The following KATNBL1 variants were observed in gnomAD, a reference collection of about 807,000 sequenced individuals.
KATNBL1 encodes the protein KATNB1-like protein 1.
Under a neutral mutation model 44.7 loss-of-function variants are expected in KATNBL1, and 28 were observed. The observed-to-expected ratio is 0.63, with a 90% confidence interval of 0.46 to 0.86. The LOEUF is 0.86. Ranked by LOEUF, KATNBL1 falls within the 40% of genes least tolerant of loss-of-function variation. The pLI is 0.00. For missense variants in KATNBL1, 272 were observed against 350.7 expected, an observed-to-expected ratio of 0.78 and a Z score of 1.79; for synonymous variants, 78 against 114.9, an observed-to-expected ratio of 0.68 and a Z score of 2.06.
chr15:34,193,951 T>C (rs1889963512), intron 1 of KATNBL1, among the ~76,000 whole-genome samples: 1 of 151,796 alleles, frequency 6.6e-6, no homozygotes, highest in South Asian at 2.1e-4. Context: ...TGTCGTTTTT[T>C]ATTTTTTTGA....
chr15:34,178,765 A>G lies in KATNBL1; in HGVS notation c.-14-15075T>C, dbSNP rs75849284. 2.8e-3 allele frequency among the ~76,000 whole-genome samples: 423 copies of G among 150,592 alleles called. 2 individuals are homozygous for G. Among genetic ancestry groups the G allele is most frequent in the Non-Finnish European group, 3.5e-3 (233 of 67,478 alleles). On this transcript the variant is annotated intron_variant, in intron 1 of 9. Coordinates refer to ENST00000256544, the MANE Select transcript of KATNBL1 (RefSeq NM_024713.3). The stretch of plus-strand genomic sequence containing the variant: ...AGCAAGACTCTGTCTCAAAAAAAAA[A>G]AAAAAAAAAAAAGGATTTCACTGAA...
chr15:34,190,307 A>G (rs1244041357), intron 1 of KATNBL1, among the ~76,000 whole-genome samples: 1 of 152,196 alleles, frequency 6.6e-6, no homozygotes, highest in Non-Finnish European at 1.5e-5. Flanking sequence ...AAGGAAGCCA[A>G]TGAATATGAA....
intron 1 of KATNBL1, among the ~76,000 whole-genome samples, chr15:34,190,629 A>C (rs1419986417): frequency 6.6e-6 from 1 of 152,250 alleles, no homozygotes; most frequent in Non-Finnish European, 1.5e-5. Context: ...CAGTTAAAGA[A>C]GGTAATGGGA....
intron 1 of KATNBL1, among the ~76,000 whole-genome samples, chr15:34,177,044 ATCATT>A (rs984551512): frequency 0.013 from 10 of 770 alleles, no homozygotes; most frequent in Admixed American, 0.059. Flanking sequence ...ACTGGCAATT[ATCATT>A]GCCTTTTAAT....
At chr15:34,205,324 C>T (rs1461572574) in intron 1 of KATNBL1, among the ~76,000 whole-genome samples, 1 of 152,102 alleles carries the variant, frequency 6.6e-6, no homozygotes, top group African/African-American at 2.4e-5. Context: ...GCCATGAATC[C>T]TCCATGGATG....
chr15:34,177,702 A>C (rs1160982612), intron 1 of KATNBL1: 1 of 151,784 alleles, frequency 6.6e-6, no homozygotes, highest in Non-Finnish European at 1.5e-5. Flanking sequence ...AATGAGAAAA[A>C]CTCATCATAC....
At chr15:34,163,810 T>A (rs2140931670) in intron 1 of KATNBL1, 120 bp from the exon 2 acceptor site, 1 of 519,626 alleles carries the variant, frequency 1.9e-6, no homozygotes, top group Non-Finnish European at 3.2e-6. Flanking sequence ...GACATCATTT[T>A]AATTTACACA....
chr15:34,163,718 A>G (rs1888879004), intron 1 of KATNBL1, 28 bp from the exon 2 acceptor site: 1 of 1,279,932 alleles, frequency 7.8e-7, no homozygotes, highest in Non-Finnish European at 1.1e-6. Context: ...ATAGAAAATT[A>G]AAACAGCAAA....
intron 1 of KATNBL1, chr15:34,209,139 G>A (rs1890366962): frequency 6.6e-6 from 1 of 152,178 alleles, no homozygotes; most frequent in Non-Finnish European, 1.5e-5. Flanking sequence ...AATGGATGAC[G>A]TTTCAATTCA....
chr15:34,156,213 G>GT (rs1888632713), intron 2 of KATNBL1, among the ~76,000 whole-genome samples: 1 of 152,316 alleles, frequency 6.6e-6, no homozygotes, highest in African/African-American at 2.4e-5. Flanking sequence ...CCTCTTTGTC[G>GT]TGAGAGACAC....
At chr15:34,167,742 G>A (rs1364580872) in intron 1 of KATNBL1, among the ~76,000 whole-genome samples, 1 of 152,130 alleles carries the variant, frequency 6.6e-6, no homozygotes, top group Non-Finnish European at 1.5e-5. Context: ...CGCATTTCTC[G>A]GCAGAAACCC....
intron 1 of KATNBL1, among the ~76,000 whole-genome samples, chr15:34,202,988 C>CA (rs35434451): frequency 3.0e-4 from 45 of 151,504 alleles, no homozygotes; most frequent in South Asian, 1.7e-3. Context: ...GACTCTGTCT[C>CA]AAAAAAAATA....
At chr15:34,146,707 G>T in intron 8 of KATNBL1, 54 bp downstream of exon 8, 1 of 986,656 alleles carries the variant, frequency 1.0e-6, no homozygotes, top group Non-Finnish European at 1.6e-6. Flanking sequence ...GTTTAATCAA[G>T]CTGCTTTCCT....
In KATNBL1 at chr15:34,199,062, C is replaced by T. The variant is rs74867382; in HGVS notation, c.-15+10889G>A. ...ATAGAGACAAATACAGGCAGTGCTA[C>T]TCATGTACTGTCCAGCAAAAGGGTA... On this transcript the variant is annotated intron_variant, in intron 1 of 9. Transcript: ENST00000256544. Among the ~76,000 whole-genome samples, 990 of 152,284 alleles carry T rather than the reference C, an allele frequency of 6.5e-3. 8 individuals are homozygous for T. The highest frequency in any genetic ancestry group is 0.023 in the African/African-American group (956 of 41,558).
At chr15:34,197,199 T>G (rs1890050145) in intron 1 of KATNBL1, among the ~76,000 whole-genome samples, 1 of 152,252 alleles carries the variant, frequency 6.6e-6, no homozygotes, top group South Asian at 2.1e-4. Context: ...ATGTCATGTT[T>G]TAGTTTGCTT....
chr15:34,205,063 G>C (rs1384872731), intron 1 of KATNBL1, among the ~76,000 whole-genome samples: 1 of 150,236 alleles, frequency 6.7e-6, no homozygotes, highest in Non-Finnish European at 1.5e-5. Context: ...GTGCAATATC[G>C]GCTCACTGCA....
intron 2 of KATNBL1, among the ~76,000 whole-genome samples, chr15:34,156,887 G>A: frequency 6.6e-6 from 1 of 152,166 alleles, no homozygotes; most frequent in East Asian, 1.9e-4. Context: ...TACAACTACT[G>A]CTTGGGGCAA....
At chr15:34,206,226 T>A (rs1416045604) in intron 1 of KATNBL1, among the ~76,000 whole-genome samples, 1 of 152,180 alleles carries the variant, frequency 6.6e-6, no homozygotes, top group Non-Finnish European at 1.5e-5. Flanking sequence ...TCATGACTCA[T>A]ACATAGGTGG....
chr15:34,155,188 T>C (rs1288309582), intron 2 of KATNBL1, among the ~76,000 whole-genome samples: 4 of 152,170 alleles, frequency 2.6e-5, no homozygotes, highest in Non-Finnish European at 5.9e-5. Flanking sequence ...CATACTGACA[T>C]ACTGGTTCCC....
Sources: gnomAD v4.1 joint callset for allele counts (sites outside exome capture counted in the v4.1 genomes callset) on GRCh38, gnomAD v4.1.1 for gene constraint, MANE v1.5 for transcripts, NCBI Gene and HGNC (gene_info 2026-07-23, HGNC 2026-07-21) for gene names.